MAGI3: variants seen among roughly 807,000 people sequenced by gnomAD.
MAGI3 encodes membrane associated guanylate kinase, WW and PDZ domain containing 3.
MAGI3 carries 43 observed loss-of-function variants against 121.8 expected under a neutral mutation model. The observed-to-expected ratio is 0.35, with a 90% CI of 0.28 to 0.46. The LOEUF is 0.46. Ranked by LOEUF, MAGI3 falls within the 20% of genes least tolerant of loss-of-function variation. MAGI3 has a pLI of 1.00. For missense variants in MAGI3, 1,547 were observed against 1,797.3 expected (o/e 0.86, Z 2.52); for synonymous variants, 553 against 639.3 (o/e 0.86, Z 2.04).
chr1:113,589,320 T>C (rs1375633820), intron 4 of MAGI3, among the ~76,000 whole-genome samples: 1 of 152,122 alleles, frequency 6.6e-6, no homozygotes, highest in Non-Finnish European at 1.5e-5. Context: ...ATGATCATCA[T>C]GCATCATTAA....
intron 1 of MAGI3, among the ~76,000 whole-genome samples, chr1:113,511,425 A>G (rs1300736673): frequency 6.6e-6 from 1 of 152,262 alleles, no homozygotes; most frequent in Non-Finnish European, 1.5e-5. Flanking sequence ...GCTGCAAAGA[A>G]GAATCAGCAC....
rs138537542 is a variant in MAGI3, at chr1:113,513,245, A to G, written c.317-36270A>G. 3.6e-3 allele frequency among the ~76,000 whole-genome samples: 543 copies of G among 152,262 alleles called. 10 individuals carry two copies. Among genetic ancestry groups the G allele is most frequent in the Admixed American group, 0.025 (381 of 15,286 alleles). On this transcript the variant is annotated intron_variant, in intron 1 of 20. Coordinates refer to ENST00000307546, the MANE Select transcript of MAGI3 (RefSeq NM_001142782.2). ...CAATGCCATCCCCATGAAGCTACCA[A>G]TGACTTTCTTCACAGAATTGGAAAA...
At chr1:113,586,974 A>C (rs1648401141) in intron 4 of MAGI3, among the ~76,000 whole-genome samples, 1 of 152,184 alleles carries the variant, frequency 6.6e-6, no homozygotes. Flanking sequence ...TGTGGGAGGC[A>C]GTTCGTATAC....
In MAGI3 at chr1:113,511,505, CACAAG is replaced by C. The variant is rs1657613636; in HGVS notation, c.317-38008_317-38004del. Among the ~76,000 whole-genome samples, 7 of 152,308 alleles carry C rather than the reference CACAAG, an allele frequency of 4.6e-5. No homozygotes were observed. In the South Asian group the frequency reaches 1.5e-3, roughly 32 times the overall value. ...GGGTGCCACTCATACCTGGTGTGGT[CACAAG>C]AGCACACCGAGCAGGGTATGGCAGG... On this transcript the variant is annotated intron_variant, in intron 1 of 20. Transcript: ENST00000307546.
chr1:113,661,690 A>G (rs1329835612), intron 16 of MAGI3, among the ~76,000 whole-genome samples: 4 of 152,220 alleles, frequency 2.6e-5, no homozygotes, highest in African/African-American at 9.6e-5. Context: ...GTGGACAGAC[A>G]CTTAAGATTT....
chr1:113,542,336 A>G (rs1659327643), intron 1 of MAGI3, among the ~76,000 whole-genome samples: 1 of 81,816 alleles, frequency 1.2e-5, no homozygotes, highest in African/African-American at 2.8e-5. Flanking sequence ...ATGGAACAGG[A>G]CGGTATGGGA....
intron 1 of MAGI3, among the ~76,000 whole-genome samples, chr1:113,394,477 G>A (rs1650987932): frequency 6.6e-6 from 1 of 152,116 alleles, no homozygotes; most frequent in Non-Finnish European, 1.5e-5. Flanking sequence ...TTGAACTTTG[G>A]ACCTCTGGTG....
intron 7 of MAGI3, among the ~76,000 whole-genome samples, chr1:113,617,291 A>G (rs1650536118): frequency 6.6e-6 from 1 of 152,210 alleles, no homozygotes; most frequent in Non-Finnish European, 1.5e-5. Context: ...TTGTGTACTA[A>G]TATTTAATCA....
Position 113,596,226 on chromosome 1 carries a change from T to C in MAGI3, c.1018+1666T>C, listed in dbSNP as rs182417905. On this transcript the variant is annotated intron_variant, in intron 6 of 20. Coordinates refer to ENST00000307546, the MANE Select transcript of MAGI3 (RefSeq NM_001142782.2). ...AGATAAATAGATCAGTGGAACAAAA[T>C]AGAGAGTCTAGAAATCAATACACAT... Among the ~76,000 whole-genome samples, 338 of 152,162 alleles carry C rather than the reference T, an allele frequency of 2.2e-3. 2 individuals are homozygous for C. The highest frequency in any genetic ancestry group is 0.01 in the Middle Eastern group (3 of 294).
chr1:113,490,687 C>T (rs1437090280), intron 1 of MAGI3, among the ~76,000 whole-genome samples: 1 of 152,112 alleles, frequency 6.6e-6, no homozygotes, highest in African/African-American at 2.4e-5. Context: ...AAAAATCTAT[C>T]AAGCAAATGG....
At chr1:113,463,685 T>C (rs1490535108) in intron 1 of MAGI3, among the ~76,000 whole-genome samples, 1 of 151,996 alleles carries the variant, frequency 6.6e-6, no homozygotes, top group Non-Finnish European at 1.5e-5. Flanking sequence ...GGGGGAGAGA[T>C]GGTATTTGGT....
At chr1:113,634,054 A>G (rs1362474099) in intron 9 of MAGI3, among the ~76,000 whole-genome samples, 1 of 151,620 alleles carries the variant, frequency 6.6e-6, no homozygotes, top group Non-Finnish European at 1.5e-5. Flanking sequence ...GTGTCTGTTC[A>G]TGTCCTTCGC....
intron 1 of MAGI3, among the ~76,000 whole-genome samples, chr1:113,531,318 GT>G (rs1658709141): frequency 1.3e-5 from 2 of 152,102 alleles, no homozygotes; most frequent in African/African-American, 2.4e-5. Context: ...CACTGACATT[GT>G]TTAGAATTGC....
intron 1 of MAGI3, among the ~76,000 whole-genome samples, chr1:113,466,804 A>G (rs906518714): frequency 6.6e-5 from 10 of 151,850 alleles, no homozygotes; most frequent in African/African-American, 2.4e-4. Flanking sequence ...GAGTTGTTAC[A>G]TCTTTTCATT....
intron 3 of MAGI3, among the ~76,000 whole-genome samples, chr1:113,584,304 A>G (rs1229274435): frequency 6.6e-6 from 1 of 152,160 alleles, no homozygotes; most frequent in East Asian, 1.9e-4. Context: ...GCTTTCCCAT[A>G]TTATTTGGCG....
At chr1:113,480,717 C>T (rs72687944) in intron 1 of MAGI3, among the ~76,000 whole-genome samples, 23,211 of 152,148 alleles carry the variant, frequency 0.15, 2,810 homozygotes, top group East Asian at 0.63. Flanking sequence ...CACTGAGGTG[C>T]TATACTTTCT....
At chr1:113,588,492 T>G (rs1234432734) in intron 4 of MAGI3, among the ~76,000 whole-genome samples, 49 of 152,200 alleles carry the variant, frequency 3.2e-4, no homozygotes, top group Admixed American at 3.1e-3. Context: ...TTTTGATTTT[T>G]ATTCTGAAAT....
At chr1:113,610,196 C>T (rs757888705) in intron 6 of MAGI3, among the ~76,000 whole-genome samples, 3 of 152,096 alleles carry the variant, frequency 2.0e-5, no homozygotes, top group Admixed American at 2.0e-4. Context: ...TGCAGTGGCG[C>T]GATCTCGGCT....
chr1:113,431,298 A>G (rs2101420229), intron 1 of MAGI3, among the ~76,000 whole-genome samples: 1 of 152,330 alleles, frequency 6.6e-6, no homozygotes, highest in Middle Eastern at 3.4e-3. Flanking sequence ...AGCCTGGGTA[A>G]CAGATACTTG....
Sources: gnomAD v4.1 joint callset for allele counts (sites outside exome capture counted in the v4.1 genomes callset) on GRCh38, gnomAD v4.1.1 for gene constraint, MANE v1.5 for transcripts, NCBI Gene and HGNC (gene_info 2026-07-23, HGNC 2026-07-21) for gene names.